The following PDYN variants were observed in gnomAD, a reference collection of about 807,000 sequenced individuals.
The protein encoded by PDYN is prodynorphin.
Under a neutral mutation model 11.4 loss-of-function variants are expected in PDYN, and 5 were observed. That is an observed-to-expected ratio of 0.44 (90% CI 0.23 to 0.92). The LOEUF (loss-of-function observed/expected upper bound fraction) is 0.92. Among genes scored for constraint, PDYN ranks in the 40% least tolerant of loss-of-function variants. The pLI is 0.24. For synonymous variants in PDYN, 132 were observed against 129.5 expected (o/e 1.02, Z -0.13); for missense variants, 337 against 317.3 (o/e 1.06, Z -0.47).
In PDYN at chr20:1,984,965, G is replaced by A. The variant is rs187193353; in HGVS notation, c.-19-1862C>T. Among the ~76,000 whole-genome samples, 171 of 152,162 alleles carry A rather than the reference G, an allele frequency of 1.1e-3. 1 individual carries two copies. The highest frequency in any genetic ancestry group is 3.8e-3 in the African/African-American group (157 of 41,500). Reference sequence around the variant, plus strand: ...ATCAGACATCAAGACTCAGGGCCTCGATATTTGATTTATGGGGGCGCAGTA... The same window carrying A: ...ATCAGACATCAAGACTCAGGGCCTCAATATTTGATTTATGGGGGCGCAGTA... On this transcript the variant is annotated intron_variant, in intron 2 of 3. Coordinates refer to ENST00000217305, the MANE Select transcript of PDYN (RefSeq NM_024411.5).
chr20:1,980,940 G>A lies in PDYN; in HGVS notation c.148C>T (p.Gln50Ter), dbSNP rs1320380510. The change falls in exon 4 of 4, where the codon CAG (glutamine) becomes TAG (stop). Residue 50 changes from glutamine to a stop codon, truncating the protein, a stop_gained. Coordinates refer to ENST00000217305, the MANE Select transcript of PDYN (RefSeq NM_024411.5). LOFTEE classifies it low-confidence loss of function (END_TRUNC). ...TCCTCAGAGGGCAGCAGGGCAGCCT[G>A]GCATTGCAGGGAGCAAATCTGCAAA... The part of the protein sequence containing the change: ...INPLICSLQC[Q>*]AALLPSEEWE... The A allele has an allele frequency of 8.1e-6, 13 of 1,613,986 alleles. No individual in the cohort carries two copies. Among genetic ancestry groups the A allele is most frequent in the Non-Finnish European group, 1.1e-5 (13 of 1,180,052 alleles).
upstream of PDYN, chr20:1,994,156 G>T: frequency 6.5e-6 from 1 of 153,516 alleles, no homozygotes; most frequent in Non-Finnish European, 1.5e-5. Flanking sequence ...TGGGGAAGTG[G>T]CTGAGAGCAG....
chr20:1,989,952 A>G (rs561757962), intron 2 of PDYN, among the ~76,000 whole-genome samples: 2 of 152,174 alleles, frequency 1.3e-5, no homozygotes, highest in African/African-American at 4.8e-5. Flanking sequence ...GGCTAATATT[A>G]CAGCTTGGGA....
At chr20:1,986,366 G>T (rs1440175384) in intron 2 of PDYN, among the ~76,000 whole-genome samples, 1 of 152,124 alleles carries the variant, frequency 6.6e-6, no homozygotes, top group Non-Finnish European at 1.5e-5. Flanking sequence ...CCTCCAGGTG[G>T]ACCCTCCACC....
At chr20:1,982,809 C>A in intron 3 of PDYN, 147 bp downstream of exon 3, 1 of 787,034 alleles carries the variant, frequency 1.3e-6, no homozygotes, top group South Asian at 1.5e-5. Flanking sequence ...TCCAGGCCAT[C>A]TATAGGGCAG....
rs1335545321 is a variant in PDYN, at chr20:1,983,067, C to G, written c.18G>C (p.Leu6=). The G allele has an allele frequency of 6.2e-7, 1 of 1,613,494 alleles. No homozygotes were observed. Among genetic ancestry groups the G allele is most frequent in the Non-Finnish European group, 8.5e-7 (1 of 1,179,920 alleles). Residue 6 remains leucine, a synonymous_variant, in exon 3 of 4, where the codon CTG becomes CTC. Transcript: ENST00000217305. MAWQG[L]VLAACLLMFP... Reference sequence around the variant, plus strand: ...ACATGAGGAGGCAGGCAGCCAGGACCAGCCCCTGCCAGGCCATCCTGTCTC... The same window carrying G: ...ACATGAGGAGGCAGGCAGCCAGGACGAGCCCCTGCCAGGCCATCCTGTCTC...
At chr20:1,981,264 G>A (rs560230807) in intron 3 of PDYN, among the ~76,000 whole-genome samples, 37 of 152,224 alleles carry the variant, frequency 2.4e-4, no homozygotes, top group Admixed American at 6.5e-4. Context: ...CCCCCTCCAC[G>A]TCTGACTCCC....
intron 1 of PDYN, among the ~76,000 whole-genome samples, chr20:1,993,345 T>C (rs1397528634): frequency 6.6e-6 from 1 of 152,150 alleles, no homozygotes; most frequent in Non-Finnish European, 1.5e-5. Context: ...CTGTATCAAA[T>C]TCCATCAAAA....
chr20:1,980,471 CG>C lies in PDYN; in HGVS notation c.616del (p.Arg206AlafsTer32). On this transcript the variant is annotated frameshift_variant, in exon 4 of 4. Transcript: ENST00000217305. LOFTEE classifies it high-confidence loss of function. The stretch of plus-strand genomic sequence containing the variant: ...AATGCGCCGCAAGAAGCCCCCATAG[CG>C]TTTGTACAGGTCCTCATGGCCCATG... ...DSMGHEDLYK[R>X]YGGFLRRIRP... 1 of 1,613,168 alleles carries C rather than the reference CG, an allele frequency of 6.2e-7. No individual in the cohort carries two copies. The highest frequency in any genetic ancestry group is 8.5e-7 in the Non-Finnish European group (1 of 1,179,334).
intron 2 of PDYN, 32 bp from the exon 3 acceptor site, chr20:1,983,135 CTG>C: frequency 6.3e-7 from 1 of 1,579,872 alleles, no homozygotes; most frequent in Non-Finnish European, 8.6e-7. Context: ...ATAATGAAAT[CTG>C]TGATCACCAC....
intron 2 of PDYN, among the ~76,000 whole-genome samples, chr20:1,988,057 C>T (rs909770346): frequency 1.3e-5 from 2 of 152,228 alleles, no homozygotes; most frequent in South Asian, 4.1e-4. Flanking sequence ...GGGCTGAATG[C>T]CCTTCATCCA....
rs1316685354 is a variant in PDYN at position 1,989,653 on chromosome 20, C to T, written c.-20+2931G>A. On this transcript the variant is annotated intron_variant, in intron 2 of 3. Transcript: ENST00000217305. Reference sequence around the variant, plus strand: ...ATAATAATGGCTTGATTTAACATTGCAATTATCTCTCTGAGCACTTTAGCG... The same window carrying T: ...ATAATAATGGCTTGATTTAACATTGTAATTATCTCTCTGAGCACTTTAGCG... Among the ~76,000 whole-genome samples, 5 of 152,140 alleles carry T rather than the reference C, an allele frequency of 3.3e-5. No individual in the cohort carries two copies. The South Asian group carries it at 1.0e-3, about 31-fold the overall frequency.
At chr20:1,984,659 G>C (rs762806192) in intron 2 of PDYN, among the ~76,000 whole-genome samples, 3 of 152,160 alleles carry the variant, frequency 2.0e-5, no homozygotes, top group Non-Finnish European at 4.4e-5. Context: ...AGCACTTTGA[G>C]AGGCTGAGGC....
chr20:1,982,246 G>A (rs1001351016), intron 3 of PDYN, among the ~76,000 whole-genome samples: 2 of 152,168 alleles, frequency 1.3e-5, no homozygotes, highest in African/African-American at 4.8e-5. Flanking sequence ...TACTGAGTGA[G>A]ACCCTGTCTC....
rs760843844 is a variant in PDYN at position 1,980,542 on chromosome 20, G to A, written c.546C>T (p.Tyr182=). Residue 182 remains tyrosine (Y), a synonymous_variant, in exon 4 of 4, where the codon TAC becomes TAT. Coordinates refer to ENST00000217305, the MANE Select transcript of PDYN (RefSeq NM_024411.5). ...CAGCCACCTCTGAGCTCCTCTTGGG[G>A]TATTTGCGCAAAAAGCCCCCATAGC... is the stretch of plus-strand genomic sequence containing the variant. ...VKRYGGFLRK[Y]PKRSSEVAGE... 2.5e-6 allele frequency: 4 copies of A among 1,613,682 alleles called. No individual in the cohort carries two copies. The highest frequency in any genetic ancestry group is 3.4e-6 in the Non-Finnish European group (4 of 1,179,742).
intron 2 of PDYN, among the ~76,000 whole-genome samples, chr20:1,987,619 G>A (rs1988248374): frequency 6.6e-6 from 1 of 152,196 alleles, no homozygotes; most frequent in Non-Finnish European, 1.5e-5. Context: ...CACAGCTGTT[G>A]AGAAAGGAGA....
In PDYN at chr20:1,992,801, T is replaced by A. The variant is rs1205963833; in HGVS notation, c.-79-158A>T. On this transcript the variant is annotated intron_variant, in intron 1 of 3. Transcript: ENST00000217305. ...GCAATGCTTTGCAATGGATCTCGAC[T>A]GGGATGCCTGTCAAATTAGAAAGGC... 4.6e-5 allele frequency among the ~76,000 whole-genome samples: 7 copies of A among 152,286 alleles called. No individual in the cohort carries two copies. The East Asian group carries it at 1.2e-3, about 25-fold the overall frequency.
At chr20:1,988,877 G>T (rs1005298158) in intron 2 of PDYN, among the ~76,000 whole-genome samples, 1 of 152,154 alleles carries the variant, frequency 6.6e-6, no homozygotes, top group Non-Finnish European at 1.5e-5. Flanking sequence ...TCTGCGGATA[G>T]GCACACCTTG....
intron 2 of PDYN, among the ~76,000 whole-genome samples, chr20:1,985,815 C>T (rs1302207242): frequency 1.3e-5 from 2 of 152,134 alleles, no homozygotes; most frequent in African/African-American, 4.8e-5. Flanking sequence ...ATTACAGTTC[C>T]CCACCAGTGA....
Sources: allele counts gnomAD v4.1 joint callset (sites outside exome capture counted in the v4.1 genomes callset), GRCh38; gene constraint gnomAD v4.1.1; transcripts MANE v1.5; gene names NCBI Gene and HGNC (gene_info 2026-07-23, HGNC 2026-07-21).